RALGPS2: variants seen among roughly 807,000 people sequenced by gnomAD.
RALGPS2 encodes ras-specific guanine nucleotide-releasing factor RalGPS2.
A neutral mutation model predicts 86.8 loss-of-function variants in RALGPS2; 43 were observed. The observed-to-expected ratio is 0.50, with a 90% CI of 0.39 to 0.64. RALGPS2 has a LOEUF of 0.64. Among genes scored for constraint, RALGPS2 ranks in the 30% least tolerant of loss-of-function variants. The pLI is 0.00. For missense variants in RALGPS2, 536 were observed against 694.6 expected (o/e 0.77, Z 2.57); for synonymous variants, 243 against 231.3 (o/e 1.05, Z -0.46).
At chr1:178,725,771 C>T (rs983030746) in intron 1 of RALGPS2, 4 of 152,208 alleles carry the variant, frequency 2.6e-5, no homozygotes, top group African/African-American at 7.2e-5. Flanking sequence ...AGCCTCCGCC[C>T]GCTCTGTTCT....
chr1:178,898,659 GT>G (rs1660043617), intron 17 of RALGPS2, among the ~76,000 whole-genome samples: 1 of 151,886 alleles, frequency 6.6e-6, no homozygotes, highest in Non-Finnish European at 1.5e-5. Context: ...TAGCATATAT[GT>G]TTCCCTAATT....
At chr1:178,888,132 G>T (rs992135341) in intron 13 of RALGPS2, among the ~76,000 whole-genome samples, 1 of 152,072 alleles carries the variant, frequency 6.6e-6, no homozygotes, top group South Asian at 2.1e-4. Context: ...TTTTAGAGCA[G>T]ATTTTTGCAT....
In RALGPS2 at chr1:178,725,257, G is replaced by GGC. The variant is rs1558088486; in HGVS notation, c.-246_-245insGC. On this transcript the variant is annotated 5_prime_UTR_variant, in exon 1 of 20. Coordinates refer to ENST00000367635, the MANE Select transcript of RALGPS2 (RefSeq NM_152663.5). The stretch of plus-strand genomic sequence containing the variant: ...TGGTTCCAGCTCACTCTCCTCCCCC[G>GGC]AGCGGCAGCGGCGGCGGCGGCGGCG... 376 of 35,846 alleles carry GGC rather than the reference G, an allele frequency of 0.01. 1 individual carries two copies. Among genetic ancestry groups the GGC allele is most frequent in the African/African-American group, 0.034 (355 of 10,428 alleles). The allele number at this position is 35,846 out of a possible 1,614,324, so 2.2% of individuals were successfully genotyped here.
At chr1:178,836,097 G>A (rs1325873070) in intron 8 of RALGPS2, among the ~76,000 whole-genome samples, 1 of 152,172 alleles carries the variant, frequency 6.6e-6, no homozygotes, top group East Asian at 1.9e-4. Flanking sequence ...GTGTACGTCT[G>A]TATATGTGCT....
intron 1 of RALGPS2, among the ~76,000 whole-genome samples, chr1:178,731,730 ATTTC>A (rs1650375742): frequency 6.6e-6 from 1 of 151,860 alleles, no homozygotes; most frequent in African/African-American, 2.4e-5. Context: ...ACTTTACTTT[ATTTC>A]TTCTACACTG....
chr1:178,873,613 C>T (rs1025846938), intron 8 of RALGPS2, among the ~76,000 whole-genome samples: 8 of 152,004 alleles, frequency 5.3e-5, no homozygotes, highest in East Asian at 1.9e-4. Context: ...GTTTGTATAT[C>T]CTGAAGAAAT....
chr1:178,725,588 AGCTGGG>A (rs1039757348), intron 1 of RALGPS2, 169 bp downstream of exon 1: 2 of 151,028 alleles, frequency 1.3e-5, no homozygotes, highest in African/African-American at 4.9e-5. Context: ...GGGGCTGCGG[AGCTGGG>A]GCTGAGGCTG....
chr1:178,746,574 C>T, intron 1 of RALGPS2: 2 of 671,488 alleles, frequency 3.0e-6, no homozygotes, highest in Non-Finnish European at 5.5e-6. Flanking sequence ...GTGAGGCAAT[C>T]TAGAGGGTTA....
intron 7 of RALGPS2, 110 bp from the exon 8 acceptor site, chr1:178,833,314 T>C (rs1009479527): frequency 9.6e-7 from 1 of 1,042,170 alleles, no homozygotes; most frequent in Non-Finnish European, 1.3e-6. Flanking sequence ...AAAGAAGATA[T>C]AACTTTGAAA....
rs71108081 is a variant in RALGPS2 at position 178,856,394 on chromosome 1, A to ATTTTT, written c.608-21076_608-21072dup. Among the ~76,000 whole-genome samples, 96 of 36,430 alleles carry ATTTTT rather than the reference A, an allele frequency of 2.6e-3. 20 individuals carry two copies. The highest frequency in any genetic ancestry group is 0.011 in the African/African-American group (78 of 6,866). The allele number at this position is 36,430 out of a possible 152,430, so 23.9% of individuals were successfully genotyped here. A position where few individuals can be genotyped will look rare whatever the true frequency, so the allele number is the denominator to read the frequency against. ...AGGCAAGTGCCACCCTGCCTGGCTA[A>ATTTTT]TTTTTTTTTTTTTTTTTTTTTTTTT... On this transcript the variant is annotated intron_variant, in intron 8 of 19. Transcript: ENST00000367635.
chr1:178,766,884 C>T (rs1039362077), intron 1 of RALGPS2, among the ~76,000 whole-genome samples: 6 of 152,162 alleles, frequency 3.9e-5, no homozygotes, highest in Admixed American at 3.3e-4. Flanking sequence ...GCCAATGAGT[C>T]GTAGAGTTGG....
chr1:178,833,790 A>G (rs1208596437), intron 8 of RALGPS2, among the ~76,000 whole-genome samples: 1 of 152,202 alleles, frequency 6.6e-6, no homozygotes, highest in Non-Finnish European at 1.5e-5. Context: ...TTCTTAGAGT[A>G]GGACCATATA....
intron 8 of RALGPS2, chr1:178,850,981 G>A: frequency 3.1e-6 from 2 of 647,704 alleles, no homozygotes; most frequent in Non-Finnish European, 4.7e-6. Context: ...TACATTTATA[G>A]GTTCCCTTTT....
rs1028803595 is a variant in RALGPS2 at position 178,752,450 on chromosome 1, A to T, written c.-83-24232A>T. On this transcript the variant is annotated intron_variant, in intron 1 of 19. Transcript: ENST00000367635. The stretch of plus-strand genomic sequence containing the variant: ...AAGTGGTGAGATACAGGTGTGAGCC[A>T]TGTTGCCTGGCCATAGTAGCTTTTG... Among the ~76,000 whole-genome samples, 7 of 152,046 alleles carry T rather than the reference A, an allele frequency of 4.6e-5. No individual in the cohort carries two copies. The South Asian group carries it at 6.2e-4, about 14-fold the overall frequency.
At chr1:178,816,077 A>G (rs528201842) in intron 6 of RALGPS2, among the ~76,000 whole-genome samples, 1 of 152,318 alleles carries the variant, frequency 6.6e-6, no homozygotes, top group East Asian at 1.9e-4. Flanking sequence ...CTTGGATTAT[A>G]CCTAGGAATG....
chr1:178,787,923 G>C (rs1653744441), intron 4 of RALGPS2, among the ~76,000 whole-genome samples: 1 of 152,162 alleles, frequency 6.6e-6, no homozygotes, highest in Admixed American at 6.5e-5. Flanking sequence ...TGTTGGATCT[G>C]TTCATGTGAT....
At chr1:178,768,157 G>A (rs1247415234) in intron 1 of RALGPS2, among the ~76,000 whole-genome samples, 5 of 152,154 alleles carry the variant, frequency 3.3e-5, no homozygotes, top group African/African-American at 1.2e-4. Context: ...TTTTGTCGGT[G>A]CTTTGAATTC....
chr1:178,775,737 G>A (rs1251747037), intron 1 of RALGPS2, among the ~76,000 whole-genome samples: 1 of 151,884 alleles, frequency 6.6e-6, no homozygotes, highest in Non-Finnish European at 1.5e-5. Context: ...TTGTTATGTG[G>A]GTATATCTTC....
chr1:178,791,132 G>GT (rs1217803855), intron 4 of RALGPS2, among the ~76,000 whole-genome samples: 2 of 151,840 alleles, frequency 1.3e-5, no homozygotes, highest in Admixed American at 1.3e-4. Flanking sequence ...GTTTTTGTTT[G>GT]TTTTTTGAGA....
Sources: allele counts gnomAD v4.1 joint callset (sites outside exome capture counted in the v4.1 genomes callset), GRCh38; gene constraint gnomAD v4.1.1; transcripts MANE v1.5; gene names NCBI Gene and HGNC (gene_info 2026-07-23, HGNC 2026-07-21).